The following DNAH14 variants were observed in gnomAD, a reference collection of about 807,000 sequenced individuals.
DNAH14 encodes the protein dynein axonemal heavy chain 14.
In DNAH14, 478 loss-of-function variants were observed where a neutral mutation model predicts 520.9. That is an observed-to-expected ratio of 0.92 (90% CI 0.85 to 0.99). DNAH14 has a LOEUF of 0.99. DNAH14 is among the 50% of genes least tolerant of loss of function. The probability of loss-of-function intolerance (pLI) is 0.00; values close to 1 mark genes in which losing one functional copy is unlikely to be tolerated. For synonymous variants in DNAH14, 1,581 were observed against 1,757.2 expected (o/e 0.90, Z 2.51); for missense variants, 4,831 against 5,234.5 (o/e 0.92, Z 2.38).
chr1:225,192,627 A>G, intron 37 of DNAH14, 69 bp from the exon 38 acceptor site: 1 of 1,117,424 alleles, frequency 8.9e-7, no homozygotes, highest in Non-Finnish European at 1.3e-6. Flanking sequence ...TTTAATAATA[A>G]GAATGCAAAT....
chr1:225,286,281 TC>T (rs1553297990), intron 54 of DNAH14, among the ~76,000 whole-genome samples: 1 of 152,150 alleles, frequency 6.6e-6, no homozygotes, highest in Non-Finnish European at 1.5e-5. Context: ...TTGAATGTTT[TC>T]AAAATGCTAG....
intron 55 of DNAH14, among the ~76,000 whole-genome samples, chr1:225,290,631 ATGTG>A (rs71170071): frequency 0.048 from 3,393 of 69,996 alleles, 137 homozygotes; most frequent in African/African-American, 0.075. Flanking sequence ...GTATAGATAT[ATGTG>A]TGTGTGTGTG....
At chr1:225,390,405 A>G (rs76051365) in intron 83 of DNAH14, among the ~76,000 whole-genome samples, 6,226 of 152,202 alleles carry the variant, frequency 0.041, 155 homozygotes, top group Middle Eastern at 0.061. Context: ...TAAAGGGGTG[A>G]CGCTGGGCTG....
Position 225,146,285 on chromosome 1 carries a change from G to A in DNAH14, c.4795-819G>A, listed in dbSNP as rs111337987. ...CAAGATCTGATTCCTGCTGCTCAGT[G>A]GAAGGAACAATCTTCTACATCCTTC... On this transcript the variant is annotated intron_variant, in intron 30 of 85. Coordinates refer to ENST00000682510, the MANE Select transcript of DNAH14 (RefSeq NM_001367479.1). Among the ~76,000 whole-genome samples, 585 of 152,192 alleles carry A rather than the reference G, an allele frequency of 3.8e-3. 4 individuals carry two copies. The highest frequency in any genetic ancestry group is 0.013 in the African/African-American group (553 of 41,534).
intron 36 of DNAH14, among the ~76,000 whole-genome samples, chr1:225,178,066 A>G (rs992585804): frequency 6.6e-6 from 1 of 152,206 alleles, no homozygotes; most frequent in Non-Finnish European, 1.5e-5. Flanking sequence ...CACCTTTTGC[A>G]TCAGCGTGAT....
intron 9 of DNAH14, among the ~76,000 whole-genome samples, chr1:225,005,725 G>A (rs1368031646): frequency 6.6e-6 from 1 of 151,964 alleles, no homozygotes; most frequent in East Asian, 1.9e-4. Flanking sequence ...AAACATATCT[G>A]TATATTTATT....
chr1:224,985,597 C>T lies in DNAH14; in HGVS notation c.830+11444C>T, dbSNP rs183105470. ...ACTCGTAACCAGATACCACCTGTAC[C>T]CCAATAACTTATCAAAACATAGAAT... On this transcript the variant is annotated intron_variant, in intron 8 of 85. Transcript: ENST00000682510. Among the ~76,000 whole-genome samples the T allele has an allele frequency of 8.6e-5, 13 of 151,994 alleles. No homozygotes were observed. In the East Asian group the frequency reaches 2.5e-3, roughly 29 times the overall value.
intron 23 of DNAH14, among the ~76,000 whole-genome samples, chr1:225,104,821 C>G (rs139233794): frequency 0.073 from 11,088 of 152,030 alleles, 626 homozygotes; most frequent in East Asian, 0.24. Context: ...TTTTGTTGAT[C>G]TTTTCAAAAA....
Position 225,380,300 on chromosome 1 carries a change from G to A in DNAH14, c.12858G>A (p.Glu4286=). 2.6e-6 allele frequency: 4 copies of A among 1,551,382 alleles called. No homozygotes were observed. Among genetic ancestry groups the A allele is most frequent in the Non-Finnish European group, 3.5e-6 (4 of 1,146,876 alleles). Residue 4286 remains glutamate (E), a synonymous_variant, in exon 80 of 86, where the codon GAG becomes GAA. Transcript: ENST00000682510. ...GCATGATGTCAAGCTCCATTTGGGA[G>A]TCTCTTTCTAAAAATCTCAAAGGTG... ...LKSMMSSSIW[E]SLSKNLKDHD...
intron 8 of DNAH14, among the ~76,000 whole-genome samples, chr1:224,995,695 T>C (rs116441112): frequency 6.6e-6 from 1 of 152,038 alleles, no homozygotes; most frequent in Non-Finnish European, 1.5e-5. Flanking sequence ...CTCTTGACAG[T>C]GTTCTATAAT....
At chr1:225,217,038 T>A (rs1257790975) in intron 41 of DNAH14, among the ~76,000 whole-genome samples, 2 of 152,228 alleles carry the variant, frequency 1.3e-5, no homozygotes, top group African/African-American at 4.8e-5. Flanking sequence ...TGTGGTTTTA[T>A]CTACCTTTGG....
At chr1:225,303,582 A>T (rs895216208) in intron 57 of DNAH14, among the ~76,000 whole-genome samples, 1 of 152,184 alleles carries the variant, frequency 6.6e-6, no homozygotes, top group Admixed American at 6.6e-5. Context: ...GTGTCTCTTC[A>T]CTATGCTGTC....
intron 35 of DNAH14, among the ~76,000 whole-genome samples, chr1:225,160,309 CA>C (rs1047809681): frequency 1.3e-5 from 2 of 151,864 alleles, no homozygotes; most frequent in Non-Finnish European, 2.9e-5. Flanking sequence ...AACCTGTCTT[CA>C]AAAAAATACT....
intron 8 of DNAH14, among the ~76,000 whole-genome samples, chr1:224,991,196 G>A (rs1353394546): frequency 1.4e-5 from 2 of 144,888 alleles, no homozygotes; most frequent in Non-Finnish European, 3.0e-5. Context: ...TTGGGTTCAA[G>A]CGATTCTCCT....
At chr1:225,221,100 A>G (rs2090011704) in intron 41 of DNAH14, among the ~76,000 whole-genome samples, 1 of 152,212 alleles carries the variant, frequency 6.6e-6, no homozygotes, top group Non-Finnish European at 1.5e-5. Context: ...CTGGCTACAC[A>G]TATGCAGAAA....
intron 46 of DNAH14, among the ~76,000 whole-genome samples, chr1:225,263,708 TTATC>T (rs1256045980): frequency 3.7e-4 from 56 of 152,222 alleles, no homozygotes; most frequent in African/African-American, 1.2e-3. Context: ...AAATCATTCT[TTATC>T]TAAGTATCAT....
Position 225,388,445 on chromosome 1 carries a change from T to C in DNAH14, c.13144T>C (p.Phe4382Leu). Residue 4382 changes from phenylalanine (F) to leucine (L), a missense_variant, in exon 82 of 86, where the codon TTC becomes CTC. By Grantham distance (22) the Phe-to-Leu change is conservative (BLOSUM62 0). Coordinates refer to ENST00000682510, the MANE Select transcript of DNAH14 (RefSeq NM_001367479.1). ...WIDDLIQRLNFFNTWAKVAYT... is the reference protein window; with the variant it reads ...WIDDLIQRLNLFNTWAKVAYT... ...TGATGATCTCATCCAGCGACTGAAT[T>C]TCTTCAATACTTGGGCCAAAGTGGC... 6.5e-7 allele frequency: 1 copy of C among 1,534,942 alleles called. No homozygotes were observed. The highest frequency in any genetic ancestry group is 1.4e-5 in the African/African-American group (1 of 72,938).
At chr1:225,178,285 G>T (rs1263988697) in intron 36 of DNAH14, among the ~76,000 whole-genome samples, 1 of 152,156 alleles carries the variant, frequency 6.6e-6, no homozygotes, top group East Asian at 1.9e-4. Flanking sequence ...TGGATTTACA[G>T]TTCCACATAG....
Position 225,285,919 on chromosome 1 carries a change from A to G in DNAH14, c.8272-3966A>G, listed in dbSNP as rs145142534. On this transcript the variant is annotated intron_variant, in intron 54 of 85. Coordinates refer to ENST00000682510, the MANE Select transcript of DNAH14 (RefSeq NM_001367479.1). ...TATGGCTGAATTTTATTGTACATAT[A>G]TACCACATTTCCTCTATCTGTTCTT... Among the ~76,000 whole-genome samples, 556 of 152,310 alleles carry G rather than the reference A, an allele frequency of 3.7e-3. 2 individuals are homozygous for G. The highest frequency in any genetic ancestry group is 4.9e-3 in the Non-Finnish European group (332 of 68,026).
Sources: gnomAD v4.1 joint callset for allele counts (sites outside exome capture counted in the v4.1 genomes callset) on GRCh38, gnomAD v4.1.1 for gene constraint, MANE v1.5 for transcripts, NCBI Gene and HGNC (gene_info 2026-07-23, HGNC 2026-07-21) for gene names.